SCMH1: variants seen among roughly 807,000 people sequenced by gnomAD.
SCMH1 encodes Scm polycomb group protein homolog 1.
In SCMH1, 37 loss-of-function variants were observed where a neutral mutation model predicts 70.8. The observed-to-expected ratio is 0.52, with a 90% CI of 0.40 to 0.69. The LOEUF is 0.69. SCMH1 is among the 30% of genes least tolerant of loss of function. The probability of loss-of-function intolerance (pLI) is 0.00; values close to 1 mark genes in which losing one functional copy is unlikely to be tolerated. For synonymous variants in SCMH1, 292 were observed against 307.4 expected (o/e 0.95, Z 0.52); for missense variants, 607 against 827.3 (o/e 0.73, Z 3.27).
At chr1:41,033,884 C>T in intron 13 of SCMH1, 99 bp downstream of exon 14, 1 of 1,555,084 alleles carries the variant, frequency 6.4e-7, no homozygotes, top group Non-Finnish European at 8.7e-7. Flanking sequence ...AACAACAGTA[C>T]CATCTGAGGC....
chr1:41,228,775 G>C (rs78522358), intron 1 of SCMH1, among the ~76,000 whole-genome samples: 1 of 151,882 alleles, frequency 6.6e-6, no homozygotes, highest in Non-Finnish European at 1.5e-5. Context: ...GGAATGTAGA[G>C]AGAATAGTAT....
chr1:41,059,221 A>G (rs2148792852), intron 10 of SCMH1, among the ~76,000 whole-genome samples: 1 of 152,336 alleles, frequency 6.6e-6, no homozygotes, highest in East Asian at 1.9e-4. Context: ...TCCCTGGCAA[A>G]GGCCCCACCC....
intron 1 of SCMH1, among the ~76,000 whole-genome samples, chr1:41,240,713 TA>T (rs1663328861): frequency 6.6e-6 from 1 of 152,078 alleles, no homozygotes; most frequent in African/African-American, 2.4e-5. Context: ...AGATGTCTTT[TA>T]GTTTGTTTGA....
At chr1:41,090,461 G>A (rs1157129828) in intron 8 of SCMH1, among the ~76,000 whole-genome samples, 1 of 151,932 alleles carries the variant, frequency 6.6e-6, no homozygotes, top group African/African-American at 2.4e-5. Context: ...CATGGGATAT[G>A]TAGCTGGAAA....
At chr1:41,118,254 G>C (rs907157440) in intron 6 of SCMH1, among the ~76,000 whole-genome samples, 4 of 152,102 alleles carry the variant, frequency 2.6e-5, no homozygotes, top group Non-Finnish European at 5.9e-5. Flanking sequence ...AGTAAATAGT[G>C]GGACAGAGTC....
chr1:41,176,263 C>CG (rs1647126155), intron 2 of SCMH1, among the ~76,000 whole-genome samples: 2 of 151,030 alleles, frequency 1.3e-5, no homozygotes, highest in Admixed American at 6.6e-5. Flanking sequence ...AAACAAAATC[C>CG]GGGGGGTGGC....
chr1:41,186,236 T>C, exon 2 of SCMH1: 1 of 700,896 alleles, frequency 1.4e-6, no homozygotes, highest in South Asian at 1.6e-5. Context: ...TTTCTTTGTA[T>C]GCTAATTTCT....
intron 1 of SCMH1, among the ~76,000 whole-genome samples, chr1:41,233,647 C>G (rs1332757907): frequency 6.6e-6 from 1 of 152,132 alleles, no homozygotes; most frequent in African/African-American, 2.4e-5. Flanking sequence ...CCCGGTATTC[C>G]TTACTGTAAC....
At chr1:41,183,366 T>C (rs999488120) in intron 2 of SCMH1, among the ~76,000 whole-genome samples, 1 of 152,192 alleles carries the variant, frequency 6.6e-6, no homozygotes, top group Non-Finnish European at 1.5e-5. Context: ...CAAGGATCAA[T>C]CCCTAAACTG....
chr1:41,129,841 C>T (rs1674191516), intron 6 of SCMH1, among the ~76,000 whole-genome samples: 3 of 152,144 alleles, frequency 2.0e-5, no homozygotes, highest in South Asian at 2.1e-4. Flanking sequence ...AGGCTGGCCT[C>T]GAACTCCTGG....
intron 8 of SCMH1, among the ~76,000 whole-genome samples, chr1:41,091,330 TA>T (rs1663432628): frequency 6.6e-6 from 1 of 152,132 alleles, no homozygotes; most frequent in South Asian, 2.1e-4. Context: ...CGACAAAATT[TA>T]ACAGCATTTC....
intron 1 of SCMH1, among the ~76,000 whole-genome samples, chr1:41,198,578 C>T (rs1653585466): frequency 6.6e-6 from 1 of 152,068 alleles, no homozygotes; most frequent in Admixed American, 6.6e-5. Flanking sequence ...CTACTTCTAC[C>T]CTTGTAGTAC....
chr1:41,161,237 C>T (rs1218531481), intron 3 of SCMH1, 127 bp downstream of exon 3: 1 of 1,419,836 alleles, frequency 7.0e-7, no homozygotes, highest in East Asian at 2.5e-5. Flanking sequence ...CCTCTGTAAA[C>T]TGCAATATTT....
intron 8 of SCMH1, chr1:41,099,161 G>C (rs989319472): frequency 4.6e-6 from 1 of 217,638 alleles, no homozygotes; most frequent in African/African-American, 2.3e-5. Flanking sequence ...AATTCTAAAT[G>C]TATATATTTT....
Position 41,186,255 on chromosome 1 carries a change from A to G in SCMH1, c.-117-5T>C. On this transcript the variant is annotated splice_polypyrimidine_tract_variant and splice_region_variant and intron_variant, in intron 1 of 14. Transcript: ENST00000337495. ...TTTGTATGCTAATTTCTCCATCTGTAAAAAAGGTAGGTGGGGAGGAAGGAG... is the reference window on the plus strand; with the variant it reads ...TTTGTATGCTAATTTCTCCATCTGTGAAAAAGGTAGGTGGGGAGGAAGGAG... 1.5e-6 allele frequency: 1 copy of G among 651,796 alleles called. No individual in the cohort carries two copies. Among genetic ancestry groups the G allele is most frequent in the South Asian group, 1.7e-5 (1 of 59,370 alleles). The allele number at this position is 651,796 out of a possible 1,614,324, so 40.4% of individuals were successfully genotyped here. A position where few individuals can be genotyped will look rare whatever the true frequency, so the allele number is the denominator to read the frequency against.
At chr1:41,138,925 C>CA (rs1429441622) in intron 6 of SCMH1, among the ~76,000 whole-genome samples, 2 of 151,810 alleles carry the variant, frequency 1.3e-5, no homozygotes, top group Non-Finnish European at 2.9e-5. Flanking sequence ...CCCAGACCAG[C>CA]AAAAAAACAA....
chr1:41,033,360 G>A (rs922143931), intron 13 of SCMH1, among the ~76,000 whole-genome samples: 5 of 151,828 alleles, frequency 3.3e-5, no homozygotes, highest in Non-Finnish European at 7.4e-5. Flanking sequence ...GGGTGGCAGT[G>A]GTAAAAAGGT....
chr1:41,188,005 TAAAC>T (rs1330989246), intron 1 of SCMH1, among the ~76,000 whole-genome samples: 1 of 151,738 alleles, frequency 6.6e-6, no homozygotes, highest in Non-Finnish European at 1.5e-5. Context: ...TAAATAAAAA[TAAAC>T]AAAATAAAAT....
intron 8 of SCMH1, among the ~76,000 whole-genome samples, chr1:41,106,792 C>T (rs1045511700): frequency 6.6e-6 from 1 of 151,758 alleles, no homozygotes. Context: ...CAGGTTCAAG[C>T]GATTCTCCTG....
Sources: gnomAD v4.1 joint callset for allele counts (sites outside exome capture counted in the v4.1 genomes callset) on GRCh38, gnomAD v4.1.1 for gene constraint, MANE v1.5 for transcripts, NCBI Gene and HGNC (gene_info 2026-07-23, HGNC 2026-07-21) for gene names.